Variants in EVC2 observed in about 807,000 individuals in gnomAD.
The protein encoded by EVC2 is limbin.
Under a neutral mutation model 149.3 loss-of-function variants are expected in EVC2, and 148 were observed. The ratio of observed to expected loss-of-function variants is 0.99; its 90% CI spans 0.87 to 1.14. The LOEUF (loss-of-function observed/expected upper bound fraction) is 1.14, where lower values mean the gene tolerates loss of function less well. EVC2 is among the 50% of genes most tolerant of loss of function. The pLI is 0.00. For missense variants in EVC2, 1,854 were observed against 1,627.3 expected (o/e 1.14, Z -2.40); for synonymous variants, 776 against 649.9 (o/e 1.19, Z -2.95).
rs560111825 is a variant in EVC2, at chr4:5,578,039, T to C, written c.3058-1585A>G. 1.7e-4 allele frequency among the ~76,000 whole-genome samples: 18 copies of C among 108,428 alleles called. No homozygotes were observed. The East Asian group carries it at 0.011, about 69-fold the overall frequency. The allele number at this position is 108,428 out of a possible 152,430, so 71.1% of individuals were successfully genotyped here. ...AGGAGAGCCCTGGTTAGGAATGGAA[T>C]AGAGGTGGAAATGTGTCCCACGTTT... is the stretch of plus-strand genomic sequence containing the variant. On this transcript the variant is annotated intron_variant, in intron 17 of 21. Coordinates refer to ENST00000344408, the MANE Select transcript of EVC2 (RefSeq NM_147127.5).
intron 8 of EVC2, among the ~76,000 whole-genome samples, chr4:5,665,055 G>A (rs1435353639): frequency 6.6e-6 from 1 of 151,452 alleles, no homozygotes. Flanking sequence ...CGTGGGTAAT[G>A]GGATGCATGT....
intron 8 of EVC2, among the ~76,000 whole-genome samples, chr4:5,663,869 C>A (rs545854456): frequency 1.3e-5 from 2 of 152,006 alleles, no homozygotes; most frequent in Admixed American, 6.6e-5. Flanking sequence ...TGCAGTGAGC[C>A]GAGATTGCGC....
At position 5,644,621 on chromosome 4, in the gene EVC2, G is replaced by A. The variant is rs73065606; in HGVS notation, c.1146-3783C>T. ...TCTGGCCACCATCTTTTCTTTAAGC[G>A]TGCAGTTCAGTGGTAATAAATATCT... On this transcript the variant is annotated intron_variant, in intron 9 of 21. Coordinates refer to ENST00000344408, the MANE Select transcript of EVC2 (RefSeq NM_147127.5). 4.6e-3 allele frequency among the ~76,000 whole-genome samples: 705 copies of A among 152,206 alleles called. 10 individuals are homozygous for A. Among genetic ancestry groups the A allele is most frequent in the African/African-American group, 0.015 (610 of 41,542 alleles).
intron 3 of EVC2, among the ~76,000 whole-genome samples, chr4:5,693,087 TCATATAG>T (rs1475607818): frequency 3.3e-5 from 5 of 152,200 alleles, no homozygotes; most frequent in South Asian, 2.1e-4. Context: ...CTTCTGACCT[TCATATAG>T]CATCTTGCAA....
At chr4:5,584,530 G>A (rs1199836202) in intron 17 of EVC2, 93 bp downstream of exon 17, 2 of 1,279,732 alleles carry the variant, frequency 1.6e-6, no homozygotes, top group Non-Finnish European at 2.2e-6. Context: ...AGACAGGACG[G>A]GGGTTGCAGC....
chr4:5,536,505 C>T, the EVC2 span, among the ~76,000 whole-genome samples: 1 of 152,054 alleles, frequency 6.6e-6, no homozygotes. Context: ...AGAGTTATGG[C>T]TGGGCGCGGT....
chr4:5,699,827 AAATAAAT>A, intron 1 of EVC2, among the ~76,000 whole-genome samples: 1 of 152,026 alleles, frequency 6.6e-6, no homozygotes, highest in African/African-American at 2.4e-5. Context: ...TCTCTGAAAA[AAATAAAT>A]AATAAATATT....
downstream of EVC2, among the ~76,000 whole-genome samples, chr4:5,538,847 C>A (rs1202903346): frequency 1.3e-5 from 2 of 152,036 alleles, no homozygotes; most frequent in African/African-American, 4.8e-5. Context: ...CACGAAAAAC[C>A]CACAGCTAAT....
chr4:5,685,740 G>A (rs573206369), intron 5 of EVC2, among the ~76,000 whole-genome samples: 1 of 152,306 alleles, frequency 6.6e-6, no homozygotes, highest in South Asian at 2.1e-4. Context: ...TCACGAGTGG[G>A]GGTGCACCAC....
At chr4:5,538,691 T>A (rs1365345747), downstream of EVC2, among the ~76,000 whole-genome samples, 1 of 152,184 alleles carries the variant, frequency 6.6e-6, no homozygotes, top group Non-Finnish European at 1.5e-5. Context: ...TCAATCAATA[T>A]AATTTACTCT....
At position 5,554,262 on chromosome 4, in the gene EVC2, G is replaced by A. The variant is rs959780256; in HGVS notation, c.3419+10996C>T. On this transcript the variant is annotated intron_variant and NMD_transcript_variant, in intron 21 of 22. Transcript: ENST00000475313. ...CTGGAAAGACAAGCTCATCTATAGCGTCACAGCTGTGACCTGCTTATCTGG... is the reference window on the plus strand; with the variant it reads ...CTGGAAAGACAAGCTCATCTATAGCATCACAGCTGTGACCTGCTTATCTGG... 4.6e-5 allele frequency among the ~76,000 whole-genome samples: 7 copies of A among 152,208 alleles called. No homozygotes were observed. In the South Asian group the frequency reaches 6.2e-4, roughly 14 times the overall value.
At chr4:5,681,691 C>T (rs1035869523) in intron 6 of EVC2, among the ~76,000 whole-genome samples, 1 of 151,946 alleles carries the variant, frequency 6.6e-6, no homozygotes, top group East Asian at 1.9e-4. Flanking sequence ...TCTGACTGCA[C>T]TGCACGTGTT....
At chr4:5,554,680 A>C (rs1242051260) in intron 21 of EVC2, among the ~76,000 whole-genome samples, 1 of 152,194 alleles carries the variant, frequency 6.6e-6, no homozygotes, top group East Asian at 1.9e-4. Context: ...GCTAAGAAAC[A>C]CTTGTGAAGG....
intron 4 of EVC2, among the ~76,000 whole-genome samples, chr4:5,690,020 A>G (rs1721001429): frequency 6.6e-6 from 1 of 152,226 alleles, no homozygotes; most frequent in Non-Finnish European, 1.5e-5. Context: ...GAGATGAGCG[A>G]GCTCTGGAAT....
At chr4:5,533,901 A>G in the EVC2 span, among the ~76,000 whole-genome samples, 3 of 152,244 alleles carry the variant, frequency 2.0e-5, no homozygotes, top group Non-Finnish European at 2.9e-5. Context: ...GTCCTGAGGC[A>G]GGACCCTGCT....
chr4:5,596,022 T>C (rs537356843), intron 16 of EVC2, among the ~76,000 whole-genome samples: 93 of 152,220 alleles, frequency 6.1e-4, no homozygotes, highest in Non-Finnish European at 1.0e-3. Context: ...GAGCTAACTA[T>C]CCTAAATATA....
intron 21 of EVC2, among the ~76,000 whole-genome samples, chr4:5,544,017 C>T (rs926254297): frequency 1.4e-4 from 22 of 152,164 alleles, no homozygotes; most frequent in East Asian, 7.7e-4. Flanking sequence ...AACATCAGGT[C>T]GGCAAATTGT....
chr4:5,555,048 G>A (rs886859013), intron 21 of EVC2, among the ~76,000 whole-genome samples: 3 of 97,504 alleles, frequency 3.1e-5, no homozygotes, highest in Non-Finnish European at 6.1e-5. Context: ...GTGTGTCTCT[G>A]CACATGCATG....
At position 5,681,263 on chromosome 4, in the gene EVC2, T is replaced by A; in HGVS notation, c.867A>T (p.Val289=). The A allele has an allele frequency of 6.2e-7, 1 of 1,614,262 alleles. No individual in the cohort carries two copies. The highest frequency in any genetic ancestry group is 8.5e-7 in the Non-Finnish European group (1 of 1,180,034). ...CAGGGCATGTCATGTCTCTTACCGT[T>A]ACGTTTTCTTCTGCTGTTATGGAAA... The part of the protein sequence containing the change: ...VLFSITAEEN[V]TVLPHHGLHA... The change falls in exon 7 of 22, where the codon GTA becomes GTT. Residue 289 remains valine (V), a synonymous_variant. Transcript: ENST00000344408.
Sources: gnomAD v4.1 joint callset for allele counts (sites outside exome capture counted in the v4.1 genomes callset) on GRCh38, gnomAD v4.1.1 for gene constraint, MANE v1.5 for transcripts, NCBI Gene and HGNC (gene_info 2026-07-23, HGNC 2026-07-21) for gene names.